The following DRC8 variants were observed in gnomAD, a reference collection of about 807,000 sequenced individuals.
The protein encoded by DRC8 is dynein regulatory complex subunit 8.
chr1:244,986,399 AT>A, the DRC8 span, among the ~76,000 whole-genome samples: 1 of 152,228 alleles, frequency 6.6e-6, no homozygotes, highest in East Asian at 1.9e-4. Flanking sequence ...ACGAGGCTCC[AT>A]TGTGGCTGGA....
chr1:244,997,854 G>A, the DRC8 span, among the ~76,000 whole-genome samples: 53 of 151,922 alleles, frequency 3.5e-4, no homozygotes, highest in East Asian at 1.9e-4. Context: ...CCTGAAATTC[G>A]TGTCATCTTA....
chr1:244,975,490 C>T, the DRC8 span, among the ~76,000 whole-genome samples: 1 of 152,118 alleles, frequency 6.6e-6, no homozygotes, highest in Non-Finnish European at 1.5e-5. Flanking sequence ...AATTATACCC[C>T]CAATATTTCA....
At chr1:245,010,823 A>G in the DRC8 span, among the ~76,000 whole-genome samples, 1 of 151,558 alleles carries the variant, frequency 6.6e-6, no homozygotes, top group Non-Finnish European at 1.5e-5. Flanking sequence ...CTGGGACTAC[A>G]GGCACCCGCC....
At chr1:244,976,451 A>G in the DRC8 span, among the ~76,000 whole-genome samples, 1 of 152,148 alleles carries the variant, frequency 6.6e-6, no homozygotes, top group Admixed American at 6.6e-5. Flanking sequence ...TTGAAGCCTA[A>G]TTTGTTTCCT....
chr1:245,042,266 G>T, the DRC8 span, among the ~76,000 whole-genome samples: 2 of 152,188 alleles, frequency 1.3e-5, 1 homozygote, highest in African/African-American at 4.8e-5. Context: ...TGTTTTTAAT[G>T]ATATACAGGA....
At chr1:245,000,780 CA>C in the DRC8 span, among the ~76,000 whole-genome samples, 20,502 of 144,884 alleles carry the variant, frequency 0.14, 1,541 homozygotes, top group East Asian at 0.25. Context: ...GACTCCATCT[CA>C]AAAAAAAAAA....
the DRC8 span, chr1:245,123,363 A>AC: frequency 2.6e-5 from 4 of 152,110 alleles, no homozygotes; most frequent in Non-Finnish European, 5.9e-5. This position sits in a 1 kb window ranked among gnomAD's most constrained non-coding sequence, Gnocchi z 5.0. Flanking sequence ...CAGGTTGCTG[A>AC]CCCGCCGTTA....
the DRC8 span, among the ~76,000 whole-genome samples, chr1:245,067,296 C>A: frequency 6.6e-6 from 1 of 152,050 alleles, no homozygotes; most frequent in African/African-American, 2.4e-5. Context: ...CCACGCCTGG[C>A]CCAATACATG....
the DRC8 span, among the ~76,000 whole-genome samples, chr1:245,095,616 A>C: frequency 6.6e-6 from 1 of 152,120 alleles, no homozygotes; most frequent in Non-Finnish European, 1.5e-5. Context: ...TCCAGCCTCG[A>C]ACTCCTGGCC....
At chr1:244,977,378 TTTGTA>T in the DRC8 span, among the ~76,000 whole-genome samples, 1 of 152,172 alleles carries the variant, frequency 6.6e-6, no homozygotes, top group African/African-American at 2.4e-5. Context: ...AATTTGGAAA[TTTGTA>T]TTGAAGAATA....
chr1:245,118,803 A>AAGAAAAGAAG, the DRC8 span, among the ~76,000 whole-genome samples: 1 of 74,574 alleles, frequency 1.3e-5, no homozygotes, highest in African/African-American at 7.7e-5. Flanking sequence ...AAAAAAAGAA[A>AAGAAAAGAAG]AGAAAAGAAA....
the DRC8 span, among the ~76,000 whole-genome samples, chr1:245,001,013 A>C: frequency 6.6e-6 from 1 of 152,044 alleles, no homozygotes; most frequent in Non-Finnish European, 1.5e-5. Context: ...AGGCAGAGAG[A>C]GGGGCATGAA....
At chr1:245,016,355 C>T in the DRC8 span, among the ~76,000 whole-genome samples, 1 of 152,172 alleles carries the variant, frequency 6.6e-6, no homozygotes, top group Non-Finnish European at 1.5e-5. Flanking sequence ...TTACTGTTCT[C>T]TCTGCCTGAA....
the DRC8 span, among the ~76,000 whole-genome samples, chr1:245,009,188 A>C: frequency 2.6e-5 from 4 of 151,450 alleles, no homozygotes; most frequent in South Asian, 8.4e-4. Flanking sequence ...GGCTCGCACC[A>C]CCACGCCCGG....
the DRC8 span, among the ~76,000 whole-genome samples, chr1:245,029,489 G>A: frequency 2.0e-5 from 3 of 152,026 alleles, no homozygotes; most frequent in African/African-American, 7.2e-5. Flanking sequence ...GTAGAGAAGG[G>A]GTTTCACTAT....
chr1:245,047,144 TG>T, the DRC8 span, among the ~76,000 whole-genome samples: 2 of 152,280 alleles, frequency 1.3e-5, no homozygotes, highest in East Asian at 1.9e-4. Flanking sequence ...TCCAGCAGCG[TG>T]GGGGTTTGGA....
the DRC8 span, among the ~76,000 whole-genome samples, chr1:244,981,750 C>T: frequency 6.6e-5 from 10 of 152,264 alleles, no homozygotes; most frequent in East Asian, 1.9e-4. Context: ...ACACTTCCTC[C>T]GGTTTTACTC....
At chr1:245,029,461 C>A in the DRC8 span, among the ~76,000 whole-genome samples, 1 of 152,004 alleles carries the variant, frequency 6.6e-6, no homozygotes, top group Non-Finnish European at 1.5e-5. Flanking sequence ...CCATGCTCAG[C>A]TAATTTTTGT....
At chr1:245,030,170 G>C in the DRC8 span, among the ~76,000 whole-genome samples, 1 of 152,166 alleles carries the variant, frequency 6.6e-6, no homozygotes, top group Non-Finnish European at 1.5e-5. Flanking sequence ...TTCTTTATTA[G>C]CTTTGAAATA....
Sources: gnomAD v4.1 joint callset for allele counts (sites outside exome capture counted in the v4.1 genomes callset) on GRCh38, gnomAD v4.1.1 for gene constraint, Gnocchi (gnomAD v3.1) non-coding constraint, MANE v1.5 for transcripts, NCBI Gene and HGNC (gene_info 2026-07-23, HGNC 2026-07-21) for gene names.